SYTL2: variants seen among roughly 807,000 people sequenced by gnomAD.
SYTL2 encodes synaptotagmin-like protein 2.
In SYTL2, 165 loss-of-function variants were observed where a neutral mutation model predicts 198.7. The ratio of observed to expected loss-of-function variants is 0.83; its 90% CI spans 0.73 to 0.94. The LOEUF (loss-of-function observed/expected upper bound fraction) is 0.94. Ranked by LOEUF, SYTL2 falls within the 40% of genes least tolerant of loss-of-function variation. The probability of loss-of-function intolerance (pLI) is 0.00; values close to 1 mark genes in which losing one functional copy is unlikely to be tolerated. For synonymous variants in SYTL2, 966 were observed against 917.7 expected (o/e 1.05, Z -0.95); for missense variants, 2,835 against 2,582.8 (o/e 1.10, Z -2.12).
At chr11:85,844,200 T>C in the SYTL2 span, among the ~76,000 whole-genome samples, 1 of 152,236 alleles carries the variant, frequency 6.6e-6, no homozygotes, top group Non-Finnish European at 1.5e-5. Flanking sequence ...TCAGTAAATT[T>C]GCCTTTTGTA....
At chr11:85,728,407 C>G (rs1020363063) in intron 7 of SYTL2, among the ~76,000 whole-genome samples, 5 of 152,102 alleles carry the variant, frequency 3.3e-5, no homozygotes, top group African/African-American at 1.2e-4. Flanking sequence ...CTGCTTCAGC[C>G]TCCCAAATAG....
rs2087885763 is a variant in SYTL2 at position 85,719,293 on chromosome 11, GAT to G, written c.5429-452_5429-451del. The G allele has an allele frequency of 5.2e-6, 6 of 1,163,134 alleles. No homozygotes were observed. The South Asian group carries it at 1.1e-4, about 20-fold the overall frequency. 72.1% of individuals were successfully genotyped at this position (1,163,134 alleles called of 1,614,324 possible). A position where few individuals can be genotyped will look rare whatever the true frequency, so the allele number is the denominator to read the frequency against. ...GCTTGCTTGGGAAGTCAACTGAAGA[GAT>G]GTAACTGGGGACCAGCTGCTAAGTG... On this transcript the variant is annotated intron_variant, in intron 9 of 19. Coordinates refer to ENST00000359152, the MANE Select transcript of SYTL2 (RefSeq NM_206927.4).
At chr11:85,845,986 T>C in the SYTL2 span, among the ~76,000 whole-genome samples, 1 of 152,136 alleles carries the variant, frequency 6.6e-6, no homozygotes, top group African/African-American at 2.4e-5. Context: ...ACAGATCCTG[T>C]AGGTTAGTAA....
chr11:85,780,372 G>C (rs2092538815), intron 1 of SYTL2, among the ~76,000 whole-genome samples: 1 of 152,196 alleles, frequency 6.6e-6, no homozygotes, highest in African/African-American at 2.4e-5. Flanking sequence ...GTGATAACTG[G>C]TGGCTGGCAG....
Position 85,726,213 on chromosome 11 carries a change from CT to C in SYTL2, c.3144del (p.Glu1049ArgfsTer6), listed in dbSNP as rs777161651. 2 of 1,613,264 alleles carry C rather than the reference CT, an allele frequency of 1.2e-6. No homozygotes were observed. Among genetic ancestry groups the C allele is most frequent in the Non-Finnish European group, 8.5e-7 (1 of 1,179,770 alleles). Reference sequence around the variant, plus strand: ...TTTGAATTTAATTTCTCCATTTCCTCTCTTGCCATAACTTTTTTTGGGCTTA... The same window carrying C: ...TTTGAATTTAATTTCTCCATTTCCTCCTTGCCATAACTTTTTTTGGGCTTA... ...VLLSPKKVMAREEMEKLNSKG... is the reference protein window; with the variant it reads ...VLLSPKKVMAXEEMEKLNSKG... On this transcript the variant is annotated frameshift_variant, in exon 8 of 20. Transcript: ENST00000359152. LOFTEE classifies it high-confidence loss of function.
intron 3 of SYTL2, among the ~76,000 whole-genome samples, chr11:85,746,098 T>G (rs1204880691): frequency 1.3e-5 from 2 of 152,196 alleles, no homozygotes; most frequent in East Asian, 3.8e-4. Context: ...TAAATGTGCA[T>G]GGCCAGGGGA....
At position 85,717,053 on chromosome 11, in the gene SYTL2, T is replaced by C. The variant is rs554918801; in HGVS notation, c.5530+430A>G. On this transcript the variant is annotated intron_variant, in intron 11 of 19. Coordinates refer to ENST00000359152, the MANE Select transcript of SYTL2 (RefSeq NM_206927.4). ...TGGAGAGAAGCACATACTCTAACAGTTCTTTCATAGGTCCAAATAAGTTAT... is the reference window on the plus strand; with the variant it reads ...TGGAGAGAAGCACATACTCTAACAGCTCTTTCATAGGTCCAAATAAGTTAT... 1.1e-3 allele frequency: 174 copies of C among 153,506 alleles called. 2 individuals carry two copies. The South Asian group carries it at 0.015, about 13-fold the overall frequency. 9.5% of individuals were successfully genotyped at this position (153,506 alleles called of 1,614,324 possible).
Position 85,726,025 on chromosome 11 carries a change from T to G in SYTL2, c.3333A>C (p.Glu1111Asp). 6.2e-7 allele frequency: 1 copy of G among 1,613,352 alleles called. No homozygotes were observed. The highest frequency in any genetic ancestry group is 8.5e-7 in the Non-Finnish European group (1 of 1,179,776). Residue 1111 changes from glutamate to aspartate, a missense_variant, in exon 8 of 20, where the codon GAA becomes GAC. By Grantham distance (45) the Glu-to-Asp change is conservative. Coordinates refer to ENST00000359152, the MANE Select transcript of SYTL2 (RefSeq NM_206927.4). Reference sequence around the variant, plus strand: ...TTATTATGGATTCTTGAATCTCTTGTTCTGAGTAATCCTTTTCTTCCTTAA... The same window carrying G: ...TTATTATGGATTCTTGAATCTCTTGGTCTGAGTAATCCTTTTCTTCCTTAA... Reference protein sequence around the residue: ...PVFKEEKDYSEQEIQESIIKT... With the variant: ...PVFKEEKDYSDQEIQESIIKT...
chr11:85,823,097 A>G, the SYTL2 span, among the ~76,000 whole-genome samples: 3 of 152,244 alleles, frequency 2.0e-5, no homozygotes, highest in Non-Finnish European at 2.9e-5. Context: ...ACCCTCCTTC[A>G]TTTATTCACT....
intron 11 of SYTL2, chr11:85,715,202 A>G (rs915374189): frequency 6.6e-6 from 1 of 152,178 alleles, no homozygotes; most frequent in Admixed American, 6.5e-5. Context: ...TATAGAAAGT[A>G]TATGTGTAGA....
chr11:85,847,191 A>C, the SYTL2 span, among the ~76,000 whole-genome samples: 6 of 152,186 alleles, frequency 3.9e-5, no homozygotes, highest in Non-Finnish European at 7.4e-5. Context: ...TATTCCGGCA[A>C]GTACTCTCCT....
At chr11:85,733,890 C>A (rs747209971) in intron 7 of SYTL2, 49 bp downstream of exon 7, 1 of 1,538,582 alleles carries the variant, frequency 6.5e-7, no homozygotes, top group East Asian at 2.2e-5. Context: ...TGAGCCACCG[C>A]GCCCGGCCCC....
At chr11:85,752,834 GT>G (rs2091597026) in intron 2 of SYTL2, among the ~76,000 whole-genome samples, 1 of 134,298 alleles carries the variant, frequency 7.4e-6, no homozygotes, top group South Asian at 2.6e-4. Flanking sequence ...CTTGACAAAT[GT>G]TAGTTCCTTT....
chr11:85,844,344 T>C, the SYTL2 span, among the ~76,000 whole-genome samples: 2 of 152,196 alleles, frequency 1.3e-5, no homozygotes, highest in Non-Finnish European at 1.5e-5. Flanking sequence ...ACAACCTTAT[T>C]ATTCCCTTAT....
chr11:85,709,490 C>A lies in SYTL2; in HGVS notation c.5756G>T (p.Ser1919Ile). ...GTCTCCACTATAAACACTCATCACA[C>A]TGCCACTCACCTGAAAGCATCAGAA... ...GMTSLSSVSG[S>I]VMSVYSGDFG... Residue 1919 changes from serine (S) to isoleucine (I), a missense_variant, in exon 14 of 20, where the codon AGT becomes ATT. Around this residue, in one of 3 missense-constraint regions of SYTL2, gnomAD observed 2,645 missense variants for 2,381.7 expected, o/e 1.11. Coordinates refer to ENST00000359152, the MANE Select transcript of SYTL2 (RefSeq NM_206927.4). The A allele has an allele frequency of 6.2e-7, 1 of 1,613,798 alleles. No individual in the cohort carries two copies. The highest frequency in any genetic ancestry group is 1.1e-5 in the South Asian group (1 of 91,078).
rs563918997 is a variant in SYTL2 at position 85,726,786 on chromosome 11, C to A, written c.2572G>T (p.Val858Phe). The change falls in exon 8 of 20, where the codon GTC (valine) becomes TTC (phenylalanine). Residue 858 changes from valine to phenylalanine, a missense_variant. Val to Phe is a conservative substitution (Grantham distance 50, BLOSUM62 -1). Transcript: ENST00000359152. ...EYNQAIPKRV[V>F]LDEDDQASQL... is the part of the protein sequence containing the mutation. ...GATGCTTGATCATCCTCATCTAAGA[C>A]CACTCGTTTGGGAATGGCCTGATTA... 6.5e-7 allele frequency: 1 copy of A among 1,536,152 alleles called. No homozygotes were observed. Among genetic ancestry groups the A allele is most frequent in the South Asian group, 1.2e-5 (1 of 84,062 alleles).
At chr11:85,698,202 T>C in intron 17 of SYTL2, 124 bp from the exon 18 acceptor site, 1 of 655,212 alleles carries the variant, frequency 1.5e-6, no homozygotes, top group Non-Finnish European at 2.7e-6. Flanking sequence ...TGATATCATC[T>C]GAACTGATTA....
rs200627406 is a variant in SYTL2, at chr11:85,726,387, A to C, written c.2971T>G (p.Leu991Val). The C allele has an allele frequency of 6.2e-7, 1 of 1,613,640 alleles. No homozygotes were observed. Among genetic ancestry groups the C allele is most frequent in the East Asian group, 2.2e-5 (1 of 44,870 alleles). Reference sequence around the variant, plus strand: ...TCCTTACTGTTTGAATTAGCTTCTAAGTCCCAAAACTTTCTCAAATTCTCA... The same window carrying C: ...TCCTTACTGTTTGAATTAGCTTCTACGTCCCAAAACTTTCTCAAATTCTCA... ...QFENLRKFWDLEANSNSKDND... is the reference protein window; with the variant it reads ...QFENLRKFWDVEANSNSKDND... Residue 991 changes from leucine (L) to valine (V), a missense_variant, in exon 8 of 20, where the codon TTA becomes GTA. Transcript: ENST00000359152.
At chr11:85,700,736 C>A (rs185990163) in intron 16 of SYTL2, 143 bp from the exon 17 acceptor site, 2 of 654,618 alleles carry the variant, frequency 3.1e-6, no homozygotes, top group Middle Eastern at 3.1e-4. Context: ...TTTCTCTCTG[C>A]ATCAGAACTA....
Sources: allele counts gnomAD v4.1 joint callset (sites outside exome capture counted in the v4.1 genomes callset), GRCh38; gene constraint gnomAD v4.1.1; regional missense constraint gnomAD v4.1.1; transcripts MANE v1.5; gene names NCBI Gene and HGNC (gene_info 2026-07-23, HGNC 2026-07-21).